RBFOX1: variants seen among roughly 807,000 people sequenced by gnomAD.
The protein encoded by RBFOX1 is RNA binding fox-1 homolog 1.
RBFOX1 carries 8 observed loss-of-function variants against 57.7 expected under a neutral mutation model. The ratio of observed to expected loss-of-function variants is 0.14; its 90% CI spans 0.08 to 0.25. The LOEUF (loss-of-function observed/expected upper bound fraction) is 0.25, where lower values mean the gene tolerates loss of function less well. Ranked by LOEUF, RBFOX1 falls within the 10% of genes least tolerant of loss-of-function variation. The pLI is 1.00. For missense variants in RBFOX1, 611 were observed against 548.5 expected (o/e 1.11, Z -1.14); for synonymous variants, 326 against 222.4 (o/e 1.47, Z -4.15).
intron 2 of RBFOX1, among the ~76,000 whole-genome samples, chr16:5,468,097 C>G (rs600936): frequency 0.13 from 19,366 of 152,102 alleles, 2,313 homozygotes; most frequent in African/African-American, 0.31. Flanking sequence ...TCCCACCCCT[C>G]TTACTGTCCA....
At chr16:7,304,131 CG>C (rs1329003031) in intron 4 of RBFOX1, 2 of 826,844 alleles carry the variant, frequency 2.4e-6, no homozygotes, top group Middle Eastern at 6.0e-4. Flanking sequence ...CATCCCCAGG[CG>C]GGGAGAGCCA....
chr16:6,675,004 C>A (rs1030222340), intron 3 of RBFOX1, among the ~76,000 whole-genome samples: 17 of 152,134 alleles, frequency 1.1e-4, no homozygotes, highest in African/African-American at 4.1e-4. Flanking sequence ...CTCCCAGGTT[C>A]AAGCCATTCT....
At position 6,793,896 on chromosome 16, in the gene RBFOX1, C is replaced by A. The variant is rs552929113; in HGVS notation, c.-16+139246C>A. On this transcript the variant is annotated intron_variant, in intron 3 of 15. Transcript: ENST00000550418. ...TTTTTTTAAAAAGGTTATGAAACAT[C>A]TATCTCCCTCTTGAGCAGTAGTCCA... 5.3e-5 allele frequency among the ~76,000 whole-genome samples: 8 copies of A among 152,208 alleles called. No homozygotes were observed. In the South Asian group the frequency reaches 1.7e-3, roughly 32 times the overall value.
intron 4 of RBFOX1, among the ~76,000 whole-genome samples, chr16:7,231,978 A>G (rs889462286): frequency 3.3e-5 from 5 of 152,154 alleles, no homozygotes; most frequent in African/African-American, 1.2e-4. Flanking sequence ...GGAACTAGAT[A>G]GGGGTGGTGG....
intron 3 of RBFOX1, among the ~76,000 whole-genome samples, chr16:6,848,213 C>A (rs577221608): frequency 6.6e-6 from 1 of 151,938 alleles, no homozygotes; most frequent in Non-Finnish European, 1.5e-5. Context: ...GTGGCGACAC[C>A]ATGGTGAGCT....
At chr16:6,832,022 G>A (rs541850715) in intron 3 of RBFOX1, among the ~76,000 whole-genome samples, 2 of 152,308 alleles carry the variant, frequency 1.3e-5, no homozygotes, top group East Asian at 3.9e-4. Flanking sequence ...AAAGTACTTT[G>A]GAATTCATTG....
chr16:7,035,471 C>T (rs542043135), intron 3 of RBFOX1, among the ~76,000 whole-genome samples: 5 of 152,242 alleles, frequency 3.3e-5, no homozygotes, highest in Non-Finnish European at 2.9e-5. Context: ...ACAGATAAGA[C>T]TTCCCCTGGG....
At chr16:7,205,523 A>AAAAG (rs1555567490) in intron 4 of RBFOX1, among the ~76,000 whole-genome samples, 1 of 151,880 alleles carries the variant, frequency 6.6e-6, no homozygotes, top group African/African-American at 2.4e-5. Flanking sequence ...AGGAAAAAAA[A>AAAAG]AAAAAGAAAA....
At chr16:6,907,469 A>G (rs951518306) in intron 3 of RBFOX1, among the ~76,000 whole-genome samples, 2 of 152,190 alleles carry the variant, frequency 1.3e-5, no homozygotes, top group Non-Finnish European at 2.9e-5. Flanking sequence ...TCTGAAGGCT[A>G]GAAGTGTGAG....
At chr16:6,613,758 G>A (rs1265219880) in intron 2 of RBFOX1, among the ~76,000 whole-genome samples, 3 of 152,250 alleles carry the variant, frequency 2.0e-5, no homozygotes, top group Admixed American at 6.5e-5. Flanking sequence ...CCAACATGGC[G>A]AAACCCCATC....
intron 4 of RBFOX1, among the ~76,000 whole-genome samples, chr16:7,470,132 C>A (rs1008397696): frequency 1.3e-4 from 19 of 151,742 alleles, no homozygotes; most frequent in East Asian, 1.9e-4. Context: ...TTGATTAGTG[C>A]AAATAATGTT....
At chr16:5,245,015 G>A (rs569942107) in intron 1 of RBFOX1, among the ~76,000 whole-genome samples, 1 of 152,180 alleles carries the variant, frequency 6.6e-6, no homozygotes, top group Admixed American at 6.5e-5. Context: ...GAAAGGCTTT[G>A]GACCATAGGG....
At chr16:7,385,108 C>G (rs2097854068) in intron 4 of RBFOX1, among the ~76,000 whole-genome samples, 1 of 152,144 alleles carries the variant, frequency 6.6e-6, no homozygotes. Context: ...AGAGGGGCAC[C>G]AGAGAGGTCT....
At chr16:5,777,686 G>C (rs770889411) in intron 3 of RBFOX1, among the ~76,000 whole-genome samples, 2 of 152,122 alleles carry the variant, frequency 1.3e-5, no homozygotes, top group Non-Finnish European at 2.9e-5. Context: ...ACTTAATTAA[G>C]GTAGTGATGA....
At chr16:5,502,670 G>C (rs1327051789) in intron 2 of RBFOX1, among the ~76,000 whole-genome samples, 1 of 152,160 alleles carries the variant, frequency 6.6e-6, no homozygotes, top group Non-Finnish European at 1.5e-5. Flanking sequence ...GAGTCGAAGG[G>C]GTTAGAACAG....
At chr16:7,662,455 C>T (rs2068008126) in intron 12 of RBFOX1, among the ~76,000 whole-genome samples, 2 of 152,306 alleles carry the variant, frequency 1.3e-5, no homozygotes, top group Middle Eastern at 3.4e-3. Context: ...ACTCAATCTC[C>T]TTCTGACGCC....
intron 2 of RBFOX1, among the ~76,000 whole-genome samples, chr16:5,483,428 C>T (rs2069616000): frequency 6.6e-6 from 1 of 152,184 alleles, no homozygotes; most frequent in African/African-American, 2.4e-5. Context: ...ATTTTTTCCC[C>T]ATCTGTAAGA....
chr16:6,813,097 C>G (rs534053061), intron 3 of RBFOX1, among the ~76,000 whole-genome samples: 22 of 150,754 alleles, frequency 1.5e-4, no homozygotes, highest in African/African-American at 3.9e-4. Flanking sequence ...TATATTTTCA[C>G]TCCCATTAAA....
chr16:5,451,710 A>C (rs534475604), intron 1 of RBFOX1, among the ~76,000 whole-genome samples: 8 of 152,370 alleles, frequency 5.3e-5, no homozygotes, highest in African/African-American at 1.9e-4. Flanking sequence ...AATGATAGGC[A>C]GTGTCTCTTA....
Sources: gnomAD v4.1 joint callset for allele counts (sites outside exome capture counted in the v4.1 genomes callset) on GRCh38, gnomAD v4.1.1 for gene constraint, MANE v1.5 for transcripts, NCBI Gene and HGNC (gene_info 2026-07-23, HGNC 2026-07-21) for gene names.